Variants in TLE2 observed in about 807,000 individuals in gnomAD.
TLE2 encodes the protein TLE family member 2, transcriptional corepressor, also known as transducin-like enhancer protein 2.
A neutral mutation model predicts 97.2 loss-of-function variants in TLE2; 74 were observed. That is an observed-to-expected ratio of 0.76 (90% CI 0.63 to 0.92). The LOEUF is 0.92. TLE2 is among the 40% of genes least tolerant of loss of function. TLE2 has a pLI of 0.00. For missense variants in TLE2, 1,038 were observed against 1,008.7 expected (o/e 1.03, Z -0.39); for synonymous variants, 499 against 432.1 (o/e 1.15, Z -1.92).
chr19:3,045,805 C>T (rs1368410736), upstream of TLE2: 1 of 409,404 alleles, frequency 2.4e-6, no homozygotes, highest in Non-Finnish European at 5.0e-6. Context: ...TCAGCCTGGG[C>T]AACAAGAGTG....
In TLE2 at chr19:3,025,033, AAGGGGATAATCTG is replaced by A. The variant is rs1417921170; in HGVS notation, c.268_280del (p.Gln90SerfsTer2). 6.6e-7 allele frequency: 1 copy of A among 1,509,798 alleles called. No homozygotes were observed. Among genetic ancestry groups the A allele is most frequent in the Non-Finnish European group, 9.0e-7 (1 of 1,114,292 alleles). 93.5% of individuals were successfully genotyped at this position (1,509,798 alleles called of 1,614,324 possible). A position where few individuals can be genotyped will look rare whatever the true frequency, so the allele number is the denominator to read the frequency against. On this transcript the variant is annotated frameshift_variant, in exon 5 of 20. Coordinates refer to ENST00000262953, the MANE Select transcript of TLE2 (RefSeq NM_003260.5). LOFTEE classifies it high-confidence loss of function. ...AGGCCCACTCACCTCCTGGGTCAGG[AAGGGGATAATCTG>A]AGCGCAGATACCGCTCAGACGCTTC... is the stretch of plus-strand genomic sequence containing the variant.
rs781625226 is a variant in TLE2 at position 2,997,923 on chromosome 19, G to A, written c.2157C>T (p.Asp719=). The A allele has an allele frequency of 3.7e-6, 6 of 1,613,074 alleles. No individual in the cohort carries two copies. In the East Asian group the frequency reaches 1.1e-4, roughly 30 times the overall value. The change falls in exon 20 of 20, where the codon GAC becomes GAT. Residue 719 remains aspartate (D), a synonymous_variant. Transcript: ENST00000262953. ...CGATGTATTTGTTATTTCTGGAGAT[G>A]TCACAACTCAGGACTGAGGACGACT... ...SKESSSVLSC[D]ISRNNKYIVT...
intron 7 of TLE2, among the ~76,000 whole-genome samples, chr19:3,018,830 C>T (rs2089774504): frequency 6.6e-6 from 1 of 151,994 alleles, no homozygotes; most frequent in Non-Finnish European, 1.5e-5. Context: ...GTTGGCCAGG[C>T]TGCTCTCGAA....
intron 1 of TLE2, among the ~76,000 whole-genome samples, chr19:3,039,225 CAA>C (rs1198237452): frequency 3.9e-4 from 40 of 103,862 alleles, no homozygotes; most frequent in South Asian, 9.7e-4. Context: ...TTCCCCACTC[CAA>C]AAAAAAAAAA....
intron 1 of TLE2, among the ~76,000 whole-genome samples, chr19:3,044,258 C>G (rs1301429202): frequency 1.3e-5 from 2 of 152,104 alleles, no homozygotes; most frequent in African/African-American, 4.8e-5. Flanking sequence ...CTCCAGCCTG[C>G]CCCCCTGGTG....
upstream of TLE2, among the ~76,000 whole-genome samples, chr19:3,032,494 T>TC (rs1431401474): frequency 1.3e-5 from 2 of 152,140 alleles, no homozygotes; most frequent in Non-Finnish European, 2.9e-5. This position sits in a 1 kb window ranked among gnomAD's most constrained non-coding sequence, Gnocchi z 4.1. Context: ...CTCCTTGGCC[T>TC]CCCAAAGTGC....
At chr19:3,028,619 C>T (rs1599247008) in intron 2 of TLE2, 87 bp downstream of exon 2, 1 of 1,480,184 alleles carries the variant, frequency 6.8e-7, no homozygotes, top group Non-Finnish European at 9.4e-7. Context: ...AACCGGGAGC[C>T]CCTCCTCCCC....
At chr19:3,000,821 T>TC (rs2145108199) in intron 18 of TLE2, 98 bp from the exon 19 acceptor site, 2 of 596,428 alleles carry the variant, frequency 3.4e-6, no homozygotes, top group South Asian at 2.1e-5. Flanking sequence ...GTCTGGCCTC[T>TC]CCCTTTTTTT....
chr19:3,030,739 C>A (rs2090016822), upstream of TLE2, among the ~76,000 whole-genome samples: 2 of 152,026 alleles, frequency 1.3e-5, no homozygotes, highest in Admixed American at 1.3e-4. Context: ...GTGTGGACAA[C>A]ACCGCGACAA....
chr19:3,024,994 C>CA, intron 5 of TLE2, 26 bp downstream of exon 5: 6 of 1,566,452 alleles, frequency 3.8e-6, no homozygotes, highest in Non-Finnish European at 5.2e-6. Flanking sequence ...CCTTCCCCTC[C>CA]TCCCCCCACC....
Position 3,029,057 on chromosome 19 carries a change from T to C in TLE2, c.-153A>G. The C allele has an allele frequency of 7.4e-7, 1 of 1,350,352 alleles. No homozygotes were observed. Among genetic ancestry groups the C allele is most frequent in the Admixed American group, 3.2e-5 (1 of 31,068 alleles). The allele number at this position is 1,350,352 out of a possible 1,614,324, so 83.6% of individuals were successfully genotyped here. On this transcript the variant is annotated 5_prime_UTR_variant, in exon 1 of 20. Coordinates refer to ENST00000262953, the MANE Select transcript of TLE2 (RefSeq NM_003260.5). ...GCGGGGCAAGGGACCCTGGAGTCCCTGGCGCGCCCCCAAGCGCGCGCGCCC... is the reference window on the plus strand; with the variant it reads ...GCGGGGCAAGGGACCCTGGAGTCCCCGGCGCGCCCCCAAGCGCGCGCGCCC...
intron 9 of TLE2, among the ~76,000 whole-genome samples, chr19:3,015,152 C>T (rs77430765): frequency 0.025 from 3,744 of 151,726 alleles, 80 homozygotes; most frequent in Non-Finnish European, 0.033. Flanking sequence ...TGCCAGTCTC[C>T]GGGGATCAAG....
intron 9 of TLE2, among the ~76,000 whole-genome samples, chr19:3,015,228 C>A (rs923211029): frequency 6.6e-6 from 1 of 152,136 alleles, no homozygotes; most frequent in Non-Finnish European, 1.5e-5. Context: ...TCCCCACATT[C>A]GGCCTGGCCC....
intron 19 of TLE2, 57 bp from the exon 20 acceptor site, chr19:2,998,012 G>T: frequency 7.8e-7 from 1 of 1,287,888 alleles, no homozygotes; most frequent in Non-Finnish European, 1.1e-6. Flanking sequence ...CCACAGATGG[G>T]TGTGTGGGCA....
chr19:3,032,295 C>T (rs1032001314), upstream of TLE2, among the ~76,000 whole-genome samples: 3 of 151,964 alleles, frequency 2.0e-5, no homozygotes, highest in East Asian at 1.9e-4. This position sits in a 1 kb window ranked among gnomAD's most constrained non-coding sequence, Gnocchi z 4.1. Context: ...AGTGCAGTGG[C>T]GTGATCTCGG....
chr19:3,004,464 C>T (rs2089430898), intron 17 of TLE2, among the ~76,000 whole-genome samples: 2 of 151,900 alleles, frequency 1.3e-5, no homozygotes, highest in Admixed American at 1.3e-4. Flanking sequence ...ACAGTGAAAC[C>T]CTGTCTCTAC....
chr19:3,016,929 C>A (rs530883869), intron 8 of TLE2, among the ~76,000 whole-genome samples: 2 of 151,624 alleles, frequency 1.3e-5, no homozygotes, highest in African/African-American at 4.9e-5. Context: ...CAGGCGCCCA[C>A]CACCACACCC....
chr19:3,047,515 C>CCG (rs1555696232), upstream of TLE2: 3 of 151,208 alleles, frequency 2.0e-5, no homozygotes, highest in Non-Finnish European at 4.4e-5. Flanking sequence ...GTGACCCCCC[C>CCG]CCAGGCATCC....
Position 2,997,758 on chromosome 19 carries a change from C to A in TLE2, c.*90G>T, listed in dbSNP as rs1303529807. 6 of 916,028 alleles carry A rather than the reference C, an allele frequency of 6.6e-6. No individual in the cohort carries two copies. The African/African-American group carries it at 6.6e-5, about 10-fold the overall frequency. 56.7% of individuals were successfully genotyped at this position (916,028 alleles called of 1,614,324 possible). On this transcript the variant is annotated 3_prime_UTR_variant, in exon 20 of 20. Coordinates refer to ENST00000262953, the MANE Select transcript of TLE2 (RefSeq NM_003260.5). ...GCAGATGGGATGTACGGTTCCTAGGCAGGGCTGGGAGGCGGCTGCTAGGAT... is the reference window on the plus strand; with the variant it reads ...GCAGATGGGATGTACGGTTCCTAGGAAGGGCTGGGAGGCGGCTGCTAGGAT...
Sources: gnomAD v4.1 joint callset for allele counts (sites outside exome capture counted in the v4.1 genomes callset) on GRCh38, gnomAD v4.1.1 for gene constraint, Gnocchi (gnomAD v3.1) non-coding constraint, MANE v1.5 for transcripts, NCBI Gene and HGNC (gene_info 2026-07-23, HGNC 2026-07-21) for gene names.